KCNAB1: variants seen among roughly 807,000 people sequenced by gnomAD.
KCNAB1 encodes the protein voltage-gated potassium channel subunit beta-1.
In KCNAB1, 35 loss-of-function variants were observed where a neutral mutation model predicts 64.6. The observed-to-expected ratio is 0.54, with a 90% CI of 0.41 to 0.72. KCNAB1 has a LOEUF of 0.72. KCNAB1 is among the 30% of genes least tolerant of loss of function. The pLI is 0.00. For missense variants in KCNAB1, 401 were observed against 512.9 expected, an observed-to-expected ratio of 0.78 and a Z score of 2.11; for synonymous variants, 177 against 183.8, an observed-to-expected ratio of 0.96 and a Z score of 0.30.
chr3:156,260,733 TCTTTATGTGG>T (rs1315738894), intron 1 of KCNAB1, among the ~76,000 whole-genome samples: 5 of 152,200 alleles, frequency 3.3e-5, no homozygotes, highest in African/African-American at 1.2e-4. Context: ...CATGTATATG[TCTTTATGTGG>T]ACACACATTT....
chr3:156,385,571 A>G (rs993406757), intron 1 of KCNAB1, among the ~76,000 whole-genome samples: 1 of 152,218 alleles, frequency 6.6e-6, no homozygotes, highest in African/African-American at 2.4e-5. Flanking sequence ...CAGATATGGC[A>G]CAGTTACCTA....
intron 1 of KCNAB1, among the ~76,000 whole-genome samples, chr3:156,226,093 G>T (rs2108425901): frequency 6.6e-6 from 1 of 151,942 alleles, no homozygotes; most frequent in South Asian, 2.1e-4. Context: ...AACCAAAAAA[G>T]AGCCCACAGA....
chr3:156,149,547 C>T (rs1715261966), intron 1 of KCNAB1, among the ~76,000 whole-genome samples: 1 of 152,090 alleles, frequency 6.6e-6, no homozygotes, highest in Non-Finnish European at 1.5e-5. Context: ...CACCTGAACC[C>T]CTCTCTGTGG....
chr3:156,446,207 G>C (rs1246497052), intron 2 of KCNAB1: 5 of 152,200 alleles, frequency 3.3e-5, no homozygotes, highest in African/African-American at 4.8e-5. Context: ...TAATGACCTG[G>C]AGCTTAAGGA....
At chr3:156,231,739 A>G (rs1033649666) in intron 1 of KCNAB1, among the ~76,000 whole-genome samples, 1 of 152,052 alleles carries the variant, frequency 6.6e-6, no homozygotes, top group Non-Finnish European at 1.5e-5. Flanking sequence ...CATTAATCCC[A>G]GGTCTTCAGA....
intron 1 of KCNAB1, among the ~76,000 whole-genome samples, chr3:156,180,013 A>G (rs918684363): frequency 2.0e-5 from 3 of 152,184 alleles, no homozygotes; most frequent in Admixed American, 1.3e-4. Context: ...TACCCAAGTA[A>G]TTCTCTCAGC....
intron 1 of KCNAB1, among the ~76,000 whole-genome samples, chr3:156,329,046 A>T (rs966692186): frequency 3.3e-5 from 5 of 151,950 alleles, no homozygotes; most frequent in South Asian, 2.1e-4. Context: ...AGTGCGGTTT[A>T]AAAAAAACTT....
At chr3:156,312,731 A>AAAAAAAAC (rs1722007557) in intron 1 of KCNAB1, among the ~76,000 whole-genome samples, 5 of 144,612 alleles carry the variant, frequency 3.5e-5, no homozygotes, top group African/African-American at 1.3e-4. Flanking sequence ...AAAAAAAAAA[A>AAAAAAAAC]CTCATAATAA....
At chr3:156,367,387 T>C (rs1726016740) in intron 1 of KCNAB1, among the ~76,000 whole-genome samples, 1 of 151,882 alleles carries the variant, frequency 6.6e-6, no homozygotes, top group Non-Finnish European at 1.5e-5. Context: ...TTCACTGTGT[T>C]AGCCAGGATG....
At chr3:156,261,796 T>G (rs927480295) in intron 1 of KCNAB1, among the ~76,000 whole-genome samples, 1 of 151,990 alleles carries the variant, frequency 6.6e-6, no homozygotes, top group African/African-American at 2.4e-5. Context: ...TGATAGGGAT[T>G]GTATTGAATT....
chr3:156,246,471 C>T (rs907710489), intron 1 of KCNAB1, among the ~76,000 whole-genome samples: 9 of 152,070 alleles, frequency 5.9e-5, no homozygotes, highest in East Asian at 1.9e-4. Flanking sequence ...GGTGTGGTGG[C>T]GCATGCCTGT....
At chr3:156,459,978 CA>C in intron 5 of KCNAB1, 107 bp downstream of exon 5, 1 of 745,376 alleles carries the variant, frequency 1.3e-6, no homozygotes, top group Non-Finnish European at 2.2e-6. Context: ...CAAAAAAAAT[CA>C]ACTGTTTTTA....
At chr3:156,314,834 G>A (rs1335152927) in intron 1 of KCNAB1, among the ~76,000 whole-genome samples, 1 of 152,152 alleles carries the variant, frequency 6.6e-6, no homozygotes, top group Non-Finnish European at 1.5e-5. Flanking sequence ...CCAACATGGT[G>A]ATATCCCCAT....
intron 1 of KCNAB1, among the ~76,000 whole-genome samples, chr3:156,132,246 G>T (rs555743627): frequency 1.3e-5 from 2 of 152,282 alleles, no homozygotes; most frequent in South Asian, 4.1e-4. Flanking sequence ...GAGCCACATG[G>T]TGGGTCAATC....
chr3:156,241,743 T>A (rs115531519), intron 1 of KCNAB1, among the ~76,000 whole-genome samples: 1,614 of 152,224 alleles, frequency 0.011, 30 homozygotes, highest in African/African-American at 0.037. Flanking sequence ...TAAATTTATT[T>A]TTTATTATTA....
At chr3:156,340,843 G>A (rs1195505389) in intron 1 of KCNAB1, among the ~76,000 whole-genome samples, 2 of 152,146 alleles carry the variant, frequency 1.3e-5, no homozygotes, top group Non-Finnish European at 2.9e-5. Flanking sequence ...TTGTTGCCAA[G>A]GTAGAGTTAT....
At chr3:156,484,683 T>C (rs1395684502) in intron 8 of KCNAB1, among the ~76,000 whole-genome samples, 1 of 152,088 alleles carries the variant, frequency 6.6e-6, no homozygotes, top group African/African-American at 2.4e-5. Flanking sequence ...TTTACTGGCA[T>C]GCTGATTGAA....
intron 1 of KCNAB1, among the ~76,000 whole-genome samples, chr3:156,348,112 A>G (rs1724605693): frequency 6.6e-6 from 1 of 152,148 alleles, no homozygotes; most frequent in African/African-American, 2.4e-5. Flanking sequence ...AAAACACCAA[A>G]CAAACCAAGG....
At chr3:156,136,890 C>T (rs1203350728) in intron 1 of KCNAB1, among the ~76,000 whole-genome samples, 1 of 152,234 alleles carries the variant, frequency 6.6e-6, no homozygotes, top group Non-Finnish European at 1.5e-5. Flanking sequence ...CTCAAAGATG[C>T]TTTCTAGTTG....
Sources: allele counts gnomAD v4.1 joint callset (sites outside exome capture counted in the v4.1 genomes callset), GRCh38; gene constraint gnomAD v4.1.1; transcripts MANE v1.5; gene names NCBI Gene and HGNC (gene_info 2026-07-23, HGNC 2026-07-21).